The following DIAPH3 variants were observed in gnomAD, a reference collection of about 807,000 sequenced individuals.
The protein encoded by DIAPH3 is protein diaphanous homolog 3.
DIAPH3 carries 117 observed loss-of-function variants against 144.3 expected under a neutral mutation model. That is an observed-to-expected ratio of 0.81 (90% CI 0.70 to 0.95). The LOEUF (loss-of-function observed/expected upper bound fraction) is 0.95. Ranked by LOEUF, DIAPH3 falls within the 40% of genes least tolerant of loss-of-function variation. The pLI, the probability that DIAPH3 is intolerant of heterozygous loss-of-function variation, is 0.00. For synonymous variants in DIAPH3, 519 were observed against 488.9 expected (o/e 1.06, Z -0.81); for missense variants, 1,421 against 1,412.7 (o/e 1.01, Z -0.09).
At chr13:59,715,913 C>A (rs1427671679) in intron 27 of DIAPH3, among the ~76,000 whole-genome samples, 1 of 151,986 alleles carries the variant, frequency 6.6e-6, no homozygotes, top group Non-Finnish European at 1.5e-5. Flanking sequence ...AATGATACTA[C>A]TGAGCACTTC....
intron 22 of DIAPH3, among the ~76,000 whole-genome samples, chr13:59,859,939 T>G (rs1245639614): frequency 1.3e-5 from 2 of 152,166 alleles, no homozygotes; most frequent in African/African-American, 4.8e-5. Context: ...CATTTTCAGG[T>G]TGCAGAGGGG....
At chr13:60,119,079 C>G (rs562051079) in intron 2 of DIAPH3, among the ~76,000 whole-genome samples, 1 of 152,212 alleles carries the variant, frequency 6.6e-6, no homozygotes, top group African/African-American at 2.4e-5. Context: ...CTAAGATGGC[C>G]CCAGTGATCC....
intron 17 of DIAPH3, among the ~76,000 whole-genome samples, chr13:59,930,929 A>G (rs796884643): frequency 2.6e-5 from 4 of 152,286 alleles, no homozygotes; most frequent in African/African-American, 9.6e-5. Flanking sequence ...TAGACTAATT[A>G]TTGATCCAGC....
chr13:59,694,716 CACAA>C (rs1224846764), intron 27 of DIAPH3, among the ~76,000 whole-genome samples: 2 of 151,970 alleles, frequency 1.3e-5, no homozygotes, highest in East Asian at 1.9e-4. Context: ...TTATTGAAAA[CACAA>C]ACAAAGTAAA....
intron 15 of DIAPH3, among the ~76,000 whole-genome samples, chr13:59,972,775 T>C (rs2050460334): frequency 6.6e-6 from 1 of 152,198 alleles, no homozygotes; most frequent in East Asian, 1.9e-4. Flanking sequence ...GACTTAAAGA[T>C]ATGGTTTGGG....
chr13:59,714,141 A>T (rs1012968592), intron 27 of DIAPH3, among the ~76,000 whole-genome samples: 1 of 152,028 alleles, frequency 6.6e-6, no homozygotes, highest in African/African-American at 2.4e-5. Context: ...CGGGCGGATC[A>T]CGAGGTCAGG....
rs540473187 is a variant in DIAPH3, at chr13:59,839,350, G to A, written c.2836C>T (p.His946Tyr). The change falls in exon 23 of 28, where the codon CAT (histidine) becomes TAT (tyrosine). Residue 946 changes from histidine (H) to tyrosine (Y), a missense_variant. Transcript: ENST00000400324. The part of the protein sequence containing the change: ...LETFPPPEDL[H>Y]DKFVTKMSRF... ...GACATCTTTGTCACAAACTTGTCAT[G>A]CAAGTCCTCAGGAGGGGGAAAGGTT... 18 of 1,613,616 alleles carry A rather than the reference G, an allele frequency of 1.1e-5. No homozygotes were observed. The East Asian group carries it at 4.0e-4, about 36-fold the overall frequency.
chr13:60,039,130 C>T (rs931363564), intron 5 of DIAPH3, among the ~76,000 whole-genome samples: 1 of 151,676 alleles, frequency 6.6e-6, no homozygotes, highest in Non-Finnish European at 1.5e-5. Context: ...GGCAAATAAT[C>T]TAGTATTTAG....
At chr13:59,859,591 C>T (rs2139916355) in intron 22 of DIAPH3, among the ~76,000 whole-genome samples, 1 of 152,252 alleles carries the variant, frequency 6.6e-6, no homozygotes, top group Non-Finnish European at 1.5e-5. Context: ...TATTTCAAGG[C>T]ACTTTGTACC....
chr13:60,120,405 A>G (rs187021462), intron 2 of DIAPH3, among the ~76,000 whole-genome samples: 12 of 152,290 alleles, frequency 7.9e-5, no homozygotes, highest in African/African-American at 1.4e-4. Flanking sequence ...ATATTCCTCA[A>G]TGTTACAAAT....
intron 1 of DIAPH3, among the ~76,000 whole-genome samples, chr13:60,157,412 T>C (rs560954098): frequency 1.3e-5 from 2 of 152,356 alleles, no homozygotes; most frequent in Admixed American, 6.5e-5. Context: ...CTTTCAGATG[T>C]TGTATTTTTC....
intron 4 of DIAPH3, among the ~76,000 whole-genome samples, chr13:60,081,198 G>T (rs2057548074): frequency 6.6e-6 from 1 of 151,918 alleles, no homozygotes; most frequent in South Asian, 2.1e-4. Context: ...CTATCAATGG[G>T]ATTCAGAAAG....
chr13:59,946,647 A>G (rs911619309), intron 17 of DIAPH3, among the ~76,000 whole-genome samples: 1 of 152,196 alleles, frequency 6.6e-6, no homozygotes, highest in African/African-American at 2.4e-5. Flanking sequence ...CATGTTGCTG[A>G]TGAGTACTGG....
chr13:59,893,030 C>T (rs147908437), intron 20 of DIAPH3, among the ~76,000 whole-genome samples: 1 of 152,044 alleles, frequency 6.6e-6, no homozygotes, highest in Admixed American at 6.6e-5. Context: ...GACATAAAAT[C>T]TCATTTAATA....
At chr13:60,005,674 G>C (rs2052816940) in intron 9 of DIAPH3, among the ~76,000 whole-genome samples, 1 of 151,896 alleles carries the variant, frequency 6.6e-6, no homozygotes, top group Non-Finnish European at 1.5e-5. Context: ...GTAGAGACGG[G>C]GTTTCACCAT....
intron 24 of DIAPH3, among the ~76,000 whole-genome samples, chr13:59,817,860 C>T (rs1253418950): frequency 6.6e-6 from 1 of 151,904 alleles, no homozygotes; most frequent in African/African-American, 2.4e-5. Flanking sequence ...ATCTGTATCT[C>T]CCTTTCTCCC....
At chr13:60,038,512 C>T (rs1057458764) in intron 5 of DIAPH3, among the ~76,000 whole-genome samples, 6 of 152,012 alleles carry the variant, frequency 3.9e-5, no homozygotes, top group Non-Finnish European at 8.8e-5. Context: ...ATTCCAAAAA[C>T]GACACTTATT....
chr13:60,084,801 G>A (rs548237360), intron 4 of DIAPH3, among the ~76,000 whole-genome samples: 1 of 152,158 alleles, frequency 6.6e-6, no homozygotes, highest in East Asian at 1.9e-4. Flanking sequence ...CATATTGATA[G>A]TAAGAGGCTA....
chr13:59,673,220 A>G (rs1244427077), intron 27 of DIAPH3, among the ~76,000 whole-genome samples: 1 of 152,168 alleles, frequency 6.6e-6, no homozygotes, highest in African/African-American at 2.4e-5. Context: ...CCTGAGTTGG[A>G]TACTCTTTTC....
Sources: allele counts gnomAD v4.1 joint callset (sites outside exome capture counted in the v4.1 genomes callset), GRCh38; gene constraint gnomAD v4.1.1; transcripts MANE v1.5; gene names NCBI Gene and HGNC (gene_info 2026-07-23, HGNC 2026-07-21).